Variants in KSR2 observed in about 807,000 individuals in gnomAD.
KSR2 encodes the protein kinase suppressor of ras 2.
Under a neutral mutation model 107.8 loss-of-function variants are expected in KSR2, and 25 were observed. The ratio of observed to expected loss-of-function variants is 0.23; its 90% CI spans 0.17 to 0.32. The LOEUF is 0.32. KSR2 is among the 10% of genes least tolerant of loss of function. The pLI is 1.00. For synonymous variants in KSR2, 480 were observed against 507.0 expected (o/e 0.95, Z 0.71); for missense variants, 887 against 1,268.9 (o/e 0.70, Z 4.57).
intron 19 of KSR2, 93 bp from the exon 20 acceptor site, chr12:117,467,298 T>C (rs947648947): frequency 5.1e-6 from 3 of 589,796 alleles, no homozygotes; most frequent in Admixed American, 3.2e-5. Flanking sequence ...GTGGGCCAGG[T>C]GGCTTGAGAT....
chr12:117,826,880 G>C (rs951980402), intron 3 of KSR2, among the ~76,000 whole-genome samples: 2 of 151,954 alleles, frequency 1.3e-5, no homozygotes, highest in Admixed American at 6.6e-5. Context: ...GAGCTCAGGA[G>C]TTCAAGACCA....
intron 19 of KSR2, chr12:117,467,815 G>A (rs889520000): frequency 7.1e-6 from 3 of 422,220 alleles, no homozygotes; most frequent in East Asian, 7.4e-5. Context: ...AAGATGTTCA[G>A]TACACATAGG....
At chr12:117,810,829 A>G (rs1427052270) in intron 3 of KSR2, among the ~76,000 whole-genome samples, 2 of 152,158 alleles carry the variant, frequency 1.3e-5, no homozygotes, top group Non-Finnish European at 2.9e-5. Flanking sequence ...CCTTTTAGAA[A>G]AGGGAAAATA....
rs769862466 is a variant in KSR2 at position 117,484,436 on chromosome 12, A to G, written c.2430T>C (p.Ser810=). The change falls in exon 16 of 20, where the codon TCT becomes TCC. Residue 810 remains serine, a synonymous_variant. Coordinates refer to ENST00000339824, the MANE Select transcript of KSR2 (RefSeq NM_173598.6). ...VITDFGLFSI[S]GVLQAGRRED... ...CTCACCTGCCAGCCTGCAGCACCCC[A>G]GAAATGCTGAAGAGTCCAAAGTCCG... 1.2e-6 allele frequency: 2 copies of G among 1,613,964 alleles called. No homozygotes were observed. The highest frequency in any genetic ancestry group is 1.7e-5 in the Admixed American group (1 of 60,026).
At chr12:117,558,388 TG>T in intron 8 of KSR2, 117 bp downstream of exon 8, 1 of 704,376 alleles carries the variant, frequency 1.4e-6, no homozygotes, top group Non-Finnish European at 2.5e-6. Flanking sequence ...GAAACAATGC[TG>T]GAAGTATGTG....
chr12:117,703,683 C>T lies in KSR2; in HGVS notation c.987-36025G>A, dbSNP rs181441619. The stretch of plus-strand genomic sequence containing the variant: ...TGAATTTATCAAACACACACAGCTA[C>T]CCAGCAATCCTCCCAGAGAGCAGGA... On this transcript the variant is annotated intron_variant, in intron 4 of 19. Coordinates refer to ENST00000339824, the MANE Select transcript of KSR2 (RefSeq NM_173598.6). 3.3e-5 allele frequency among the ~76,000 whole-genome samples: 5 copies of T among 152,296 alleles called. No homozygotes were observed. The East Asian group carries it at 9.6e-4, about 29-fold the overall frequency.
intron 1 of KSR2, among the ~76,000 whole-genome samples, chr12:117,898,958 C>T (rs1373321449): frequency 6.6e-6 from 1 of 152,118 alleles, no homozygotes; most frequent in Non-Finnish European, 1.5e-5. Context: ...GGGAGCAGGG[C>T]CCGACAACCT....
At chr12:117,955,079 T>G (rs1331006432) in intron 1 of KSR2, among the ~76,000 whole-genome samples, 1 of 151,956 alleles carries the variant, frequency 6.6e-6, no homozygotes, top group Non-Finnish European at 1.5e-5. Context: ...CCTGAATGCA[T>G]GATTCCATTT....
chr12:117,968,327 T>G lies in KSR2; in HGVS notation c.-72A>C. ...AAAAGAGGGGGGGGAGTAGAGGTAG[T>G]CTACCCTCCGCCTCTCCAACCACTG... On this transcript the variant is annotated 5_prime_UTR_variant, in exon 1 of 20. Transcript: ENST00000339824. The G allele has an allele frequency of 7.0e-7, 1 of 1,428,032 alleles. No homozygotes were observed. The highest frequency in any genetic ancestry group is 9.1e-7 in the Non-Finnish European group (1 of 1,100,388). 88.5% of individuals were successfully genotyped at this position (1,428,032 alleles called of 1,614,324 possible).
chr12:117,957,831 CTTT>C lies in KSR2; in HGVS notation c.180+10242_180+10244del, dbSNP rs566320050. 3.7e-3 allele frequency among the ~76,000 whole-genome samples: 509 copies of C among 137,026 alleles called. 2 individuals are homozygous for C. The highest frequency in any genetic ancestry group is 0.011 in the East Asian group (52 of 4,574). 89.9% of individuals were successfully genotyped at this position (137,026 alleles called of 152,430 possible). On this transcript the variant is annotated intron_variant, in intron 1 of 19. Transcript: ENST00000339824. ...GGCCAAGTCCTCACAGGCTGACCACCTTTTTTTTTTTTTTTTTTTAAACTGAGT... is the reference window on the plus strand; with the variant it reads ...GGCCAAGTCCTCACAGGCTGACCACCTTTTTTTTTTTTTTTTAAACTGAGT...
In KSR2 at chr12:117,905,083, A is replaced by G. The variant is rs570145220; in HGVS notation, c.181-44652T>C. ...TGTAGTACCAGCTACTCAGGAGGCTAAGGCAGGAGAATTGCTTGAACCTGG... is the reference window on the plus strand; with the variant it reads ...TGTAGTACCAGCTACTCAGGAGGCTGAGGCAGGAGAATTGCTTGAACCTGG... On this transcript the variant is annotated intron_variant, in intron 1 of 19. Transcript: ENST00000339824. Among the ~76,000 whole-genome samples the G allele has an allele frequency of 2.0e-4, 30 of 152,112 alleles. No homozygotes were observed. In the South Asian group the frequency reaches 5.8e-3, roughly 29 times the overall value.
intron 15 of KSR2, among the ~76,000 whole-genome samples, chr12:117,485,119 T>A (rs1221829043): frequency 6.6e-6 from 1 of 152,040 alleles, no homozygotes; most frequent in Non-Finnish European, 1.5e-5. Flanking sequence ...CACCTCCAAA[T>A]GAGAAATAAA....
At chr12:117,739,673 C>T (rs562414774) in intron 4 of KSR2, among the ~76,000 whole-genome samples, 1 of 152,150 alleles carries the variant, frequency 6.6e-6, no homozygotes, top group Non-Finnish European at 1.5e-5. Flanking sequence ...GCAAGACATG[C>T]AGGGTCCTTG....
At chr12:117,866,742 T>A (rs1893482884) in intron 1 of KSR2, among the ~76,000 whole-genome samples, 1 of 151,936 alleles carries the variant, frequency 6.6e-6, no homozygotes, top group South Asian at 2.1e-4. Context: ...GGCACGAGAA[T>A]CGCTTGAACC....
chr12:117,742,776 A>T (rs774380609), intron 4 of KSR2, among the ~76,000 whole-genome samples: 4 of 152,208 alleles, frequency 2.6e-5, no homozygotes, highest in Non-Finnish European at 5.9e-5. Context: ...TTTGAATTTG[A>T]ATTTTTAAAA....
rs147494892 is a variant in KSR2, at chr12:117,466,305, G to A, written c.*894C>T. On this transcript the variant is annotated 3_prime_UTR_variant, in exon 20 of 20. Coordinates refer to ENST00000339824, the MANE Select transcript of KSR2 (RefSeq NM_173598.6). Reference sequence around the variant, plus strand: ...GAAAAGGAATGTCCTAGAACTCCCTGCCCAGAGCCCTGATTCTCAGGGACC... The same window carrying A: ...GAAAAGGAATGTCCTAGAACTCCCTACCCAGAGCCCTGATTCTCAGGGACC... The A allele has an allele frequency of 6.6e-6, 1 of 152,268 alleles. No homozygotes were observed. Among genetic ancestry groups the A allele is most frequent in the East Asian group, 1.9e-4 (1 of 5,162 alleles). 9.4% of individuals were successfully genotyped at this position (152,268 alleles called of 1,614,324 possible). A position where few individuals can be genotyped will look rare whatever the true frequency, so the allele number is the denominator to read the frequency against.
intron 13 of KSR2, 84 bp from the exon 14 acceptor site, chr12:117,525,303 T>C: frequency 1.4e-6 from 2 of 1,418,186 alleles, no homozygotes; most frequent in Non-Finnish European, 1.9e-6. Context: ...CCCGTGCACA[T>C]GCGTAGGTCT....
rs552746877 is a variant in KSR2, at chr12:117,814,780, G to C, written c.472+40648C>G. ...CAGGATCCCTCAAAGTGTGGGTCCT[G>C]AACCATCTGTACTTGAATCACCCAG... On this transcript the variant is annotated intron_variant, in intron 3 of 19. Transcript: ENST00000339824. 1.4e-4 allele frequency among the ~76,000 whole-genome samples: 21 copies of C among 152,188 alleles called. No homozygotes were observed. The South Asian group carries it at 4.1e-3, about 30-fold the overall frequency.
At position 117,939,702 on chromosome 12, in the gene KSR2, A is replaced by G. The variant is rs1895950328; in HGVS notation, c.180+28374T>C. 4.0e-5 allele frequency among the ~76,000 whole-genome samples: 6 copies of G among 151,318 alleles called. 1 individual carries two copies. The South Asian group carries it at 1.3e-3, about 32-fold the overall frequency. ...ACTCCAGCCTGGGCGACAGTGCAAG[A>G]CTCCATCTCAAACAAAAAACAAAAA... is the stretch of plus-strand genomic sequence containing the variant. On this transcript the variant is annotated intron_variant, in intron 1 of 19. Coordinates refer to ENST00000339824, the MANE Select transcript of KSR2 (RefSeq NM_173598.6).
Sources: gnomAD v4.1 joint callset for allele counts (sites outside exome capture counted in the v4.1 genomes callset) on GRCh38, gnomAD v4.1.1 for gene constraint, MANE v1.5 for transcripts, NCBI Gene and HGNC (gene_info 2026-07-23, HGNC 2026-07-21) for gene names.